The following CNNM2 variants were observed in gnomAD, a reference collection of about 807,000 sequenced individuals.
CNNM2 encodes metal transporter CNNM2.
A neutral mutation model predicts 66.9 loss-of-function variants in CNNM2; 12 were observed. That is an observed-to-expected ratio of 0.18 (90% CI 0.11 to 0.29). The LOEUF (loss-of-function observed/expected upper bound fraction) is 0.29, where lower values mean the gene tolerates loss of function less well. Ranked by LOEUF, CNNM2 falls within the 10% of genes least tolerant of loss-of-function variation. The pLI is 1.00. For missense variants in CNNM2, 705 were observed against 1,167.7 expected, an observed-to-expected ratio of 0.60 and a Z score of 5.77; for synonymous variants, 557 against 501.8, an observed-to-expected ratio of 1.11 and a Z score of -1.47.
At chr10:103,001,565 C>G (rs781390110) in intron 1 of CNNM2, among the ~76,000 whole-genome samples, 2 of 152,154 alleles carry the variant, frequency 1.3e-5, no homozygotes, top group African/African-American at 4.8e-5. Context: ...TATTTGTAGA[C>G]TATTCATTCT....
intron 1 of CNNM2, among the ~76,000 whole-genome samples, chr10:102,933,312 G>A (rs539838241): frequency 1.3e-4 from 20 of 152,208 alleles, no homozygotes; most frequent in South Asian, 2.1e-4. Flanking sequence ...CTTCAACAAC[G>A]TTTTGTAGTT....
At chr10:103,008,009 A>T (rs552560844) in intron 1 of CNNM2, among the ~76,000 whole-genome samples, 1 of 152,156 alleles carries the variant, frequency 6.6e-6, no homozygotes, top group African/African-American at 2.4e-5. Flanking sequence ...TCCCACAACA[A>T]TTTCTCTTCA....
intron 1 of CNNM2, among the ~76,000 whole-genome samples, chr10:102,931,699 T>C (rs1335455810): frequency 2.0e-5 from 3 of 152,144 alleles, no homozygotes; most frequent in African/African-American, 7.2e-5. Context: ...TACACGGGAA[T>C]AGAATTGCTG....
intron 6 of CNNM2, 106 bp from the exon 7 acceptor site, chr10:103,075,980 T>C (rs2065683572): frequency 9.5e-7 from 1 of 1,048,910 alleles, no homozygotes; most frequent in Non-Finnish European, 1.4e-6. Context: ...TGGAATCAGT[T>C]GGCTGGGCTT....
intron 5 of CNNM2, among the ~76,000 whole-genome samples, chr10:103,069,886 A>G (rs1051883002): frequency 3.2e-4 from 49 of 152,350 alleles, no homozygotes; most frequent in Middle Eastern, 3.4e-3. Flanking sequence ...TTTTAAAAGA[A>G]TTCCTGAAAG....
chr10:102,967,896 T>C (rs1342012987), intron 1 of CNNM2, among the ~76,000 whole-genome samples: 4 of 152,160 alleles, frequency 2.6e-5, no homozygotes, highest in African/African-American at 9.7e-5. Flanking sequence ...TAATCCCAGC[T>C]ACGTGGGAGG....
intron 1 of CNNM2, among the ~76,000 whole-genome samples, chr10:102,989,158 C>T (rs142789814): frequency 1.3e-5 from 2 of 152,108 alleles, no homozygotes; most frequent in African/African-American, 4.8e-5. Context: ...CACTGAGTAA[C>T]GTATGTCTAT....
intron 7 of CNNM2, 55 bp downstream of exon 7, chr10:103,076,325 T>C (rs2065690054): frequency 6.6e-7 from 1 of 1,520,794 alleles, no homozygotes; most frequent in African/African-American, 1.4e-5. Flanking sequence ...TCAACTTCCC[T>C]GGCAAATTGT....
chr10:103,070,934 T>TA (rs1349746083), intron 5 of CNNM2, among the ~76,000 whole-genome samples: 1 of 150,894 alleles, frequency 6.6e-6, no homozygotes, highest in African/African-American at 2.4e-5. Flanking sequence ...CATCTGAAAC[T>TA]AAAAAAGCGG....
chr10:102,979,272 T>G (rs1182793954), intron 1 of CNNM2, among the ~76,000 whole-genome samples: 1 of 152,214 alleles, frequency 6.6e-6, no homozygotes, highest in Non-Finnish European at 1.5e-5. Flanking sequence ...ATTTGTTGTT[T>G]GAAAGCTTGT....
At chr10:103,074,142 G>A (rs1475362321) in intron 6 of CNNM2, among the ~76,000 whole-genome samples, 1 of 152,090 alleles carries the variant, frequency 6.6e-6, no homozygotes, top group African/African-American at 2.4e-5. Context: ...ACAAAAATTA[G>A]CTGGGCGTGG....
chr10:103,056,763 A>G, intron 3 of CNNM2, 32 bp from the exon 4 acceptor site: 1 of 1,594,312 alleles, frequency 6.3e-7, no homozygotes, highest in South Asian at 1.1e-5. Flanking sequence ...CTCTGTTTGA[A>G]ATGTAATATC....
At chr10:102,988,327 A>T (rs2063834551) in intron 1 of CNNM2, among the ~76,000 whole-genome samples, 1 of 152,042 alleles carries the variant, frequency 6.6e-6, no homozygotes, top group South Asian at 2.1e-4. Context: ...AAATATTGAA[A>T]AGGCGTGGGA....
At chr10:102,979,500 T>C (rs1012777086) in intron 1 of CNNM2, among the ~76,000 whole-genome samples, 1 of 152,238 alleles carries the variant, frequency 6.6e-6, no homozygotes, top group Non-Finnish European at 1.5e-5. Flanking sequence ...GCCTATTCTT[T>C]TCATCTCTGT....
chr10:102,918,527 G>A lies in CNNM2; in HGVS notation c.47G>A (p.Gly16Glu), dbSNP rs370580602. The part of the protein sequence containing the change: ...ACEPKVKMAG[G>E]QAAAALPTWK... ...GAACCCAAAGTAAAGATGGCGGGCG[G>A]GCAGGCAGCCGCCGCACTGCCCACT... Residue 16 changes from glycine (G) to glutamate (E), a missense_variant, in exon 1 of 8, where the codon GGG (glycine) becomes GAG (glutamate). Gly to Glu is a moderately conservative substitution (Grantham distance 98). Coordinates refer to ENST00000369878, the MANE Select transcript of CNNM2 (RefSeq NM_017649.5). The surrounding 1 kb of genome is among the most constrained non-coding windows in gnomAD (Gnocchi z 4.1). The A allele has an allele frequency of 1.6e-4, 259 of 1,604,416 alleles. No homozygotes were observed. The highest frequency in any genetic ancestry group is 2.0e-4 in the Non-Finnish European group (241 of 1,177,480).
intron 4 of CNNM2, among the ~76,000 whole-genome samples, chr10:103,064,250 TAAAG>T (rs1198824671): frequency 2.0e-5 from 3 of 152,220 alleles, no homozygotes; most frequent in African/African-American, 7.2e-5. Flanking sequence ...AATGAGAAAA[TAAAG>T]ACAGTTGCGA....
At chr10:103,008,806 G>T (rs1300671383) in intron 1 of CNNM2, among the ~76,000 whole-genome samples, 1 of 140,494 alleles carries the variant, frequency 7.1e-6, no homozygotes, top group Admixed American at 7.2e-5. Flanking sequence ...AAACCCAAAT[G>T]CTCATACTGT....
chr10:103,004,016 T>C (rs2064176266), intron 1 of CNNM2, among the ~76,000 whole-genome samples: 1 of 113,108 alleles, frequency 8.8e-6, no homozygotes, highest in Non-Finnish European at 1.8e-5. Context: ...TTTTTTGAGA[T>C]GGAGTCTTGC....
At chr10:103,042,504 C>T (rs1169163161) in intron 1 of CNNM2, among the ~76,000 whole-genome samples, 1 of 152,204 alleles carries the variant, frequency 6.6e-6, no homozygotes, top group Non-Finnish European at 1.5e-5. Context: ...CCAGAGTCTG[C>T]TTCCCTAGTG....
Sources: gnomAD v4.1 joint callset for allele counts (sites outside exome capture counted in the v4.1 genomes callset) on GRCh38, gnomAD v4.1.1 for gene constraint, Gnocchi (gnomAD v3.1) non-coding constraint, MANE v1.5 for transcripts, NCBI Gene and HGNC (gene_info 2026-07-23, HGNC 2026-07-21) for gene names.